Variants in FBN2 observed in about 807,000 individuals in gnomAD.
The protein encoded by FBN2 is fibrillin 2.
Under a neutral mutation model 355.6 loss-of-function variants are expected in FBN2, and 105 were observed. That is an observed-to-expected ratio of 0.30 (90% CI 0.25 to 0.35). The LOEUF is 0.35. FBN2 is among the 10% of genes least tolerant of loss of function. The pLI, the probability that FBN2 is intolerant of heterozygous loss-of-function variation, is 1.00. For synonymous variants in FBN2, 1,350 were observed against 1,301.2 expected (o/e 1.04, Z -0.81); for missense variants, 3,280 against 3,758.7 (o/e 0.87, Z 3.33).
chr5:128,537,523 G>T lies in FBN2; in HGVS notation c.81C>A (p.Ala27=), dbSNP rs746484599. Residue 27 remains alanine (A), a synonymous_variant, in exon 1 of 65, where the codon GCC becomes GCA. Transcript: ENST00000262464. ...TGGGCGGAGGAGGCTGAGGCTGGCC[G>T]GCCGTGCCCTGCGCCCAGAGCACCA... ...GCVVLWAQGT[A]GQPQPPPPKP... is the part of the protein sequence containing the mutation. The T allele has an allele frequency of 6.3e-6, 10 of 1,578,862 alleles. No homozygotes were observed. In the African/African-American group the frequency reaches 9.4e-5, roughly 15 times the overall value.
At chr5:128,358,479 A>G (rs1751559288) in intron 19 of FBN2, among the ~76,000 whole-genome samples, 1 of 152,152 alleles carries the variant, frequency 6.6e-6, no homozygotes. Context: ...ACAAATAACT[A>G]GAGGACTTTA....
intron 22 of FBN2, 143 bp from the exon 23 acceptor site, chr5:128,349,615 C>A: frequency 9.5e-7 from 1 of 1,050,412 alleles, no homozygotes; most frequent in Non-Finnish European, 1.4e-6. Context: ...TATTCCACAA[C>A]CGAGCCACCC....
chr5:128,492,644 A>G (rs922721079), intron 5 of FBN2, among the ~76,000 whole-genome samples: 1 of 152,034 alleles, frequency 6.6e-6, no homozygotes. Flanking sequence ...CTCTACTAAA[A>G]ATACAAAAAT....
At chr5:128,362,169 G>C (rs747571157) in intron 18 of FBN2, among the ~76,000 whole-genome samples, 1 of 152,044 alleles carries the variant, frequency 6.6e-6, no homozygotes, top group Non-Finnish European at 1.5e-5. Context: ...ATTCATAAAA[G>C]ATATCAAAAG....
chr5:128,327,337 T>A (rs946309018), intron 34 of FBN2, among the ~76,000 whole-genome samples: 2 of 152,164 alleles, frequency 1.3e-5, no homozygotes, highest in Non-Finnish European at 2.9e-5. Context: ...TGGCACACTT[T>A]CTTTCTTCAG....
At chr5:128,536,051 T>C (rs1433198958) in intron 2 of FBN2, among the ~76,000 whole-genome samples, 1 of 152,176 alleles carries the variant, frequency 6.6e-6, no homozygotes, top group Non-Finnish European at 1.5e-5. Context: ...TAATAACATG[T>C]GGTCTCATCT....
chr5:128,421,242 A>T (rs1447527360), intron 7 of FBN2, among the ~76,000 whole-genome samples: 4 of 152,198 alleles, frequency 2.6e-5, no homozygotes, highest in African/African-American at 7.2e-5. Context: ...AAGGAGAGTG[A>T]TCAGAACTTC....
At chr5:128,536,250 A>G (rs1384140485) in intron 2 of FBN2, 152 bp downstream of exon 2, 1 of 702,812 alleles carries the variant, frequency 1.4e-6, no homozygotes, top group South Asian at 1.5e-5. Context: ...AGTCTTCCCC[A>G]CTATTCAAAT....
At chr5:128,419,510 A>T (rs1029648502) in intron 7 of FBN2, among the ~76,000 whole-genome samples, 2 of 151,250 alleles carry the variant, frequency 1.3e-5, no homozygotes, top group African/African-American at 2.4e-5. Flanking sequence ...TTCTATTCTT[A>T]ATTTTCTGAT....
At chr5:128,394,973 A>G (rs1432969652) in intron 9 of FBN2, 149 bp downstream of exon 9, 2 of 809,834 alleles carry the variant, frequency 2.5e-6, no homozygotes, top group Admixed American at 4.1e-5. Context: ...TTTTGTAGAG[A>G]CAGGATTTCG....
intron 5 of FBN2, among the ~76,000 whole-genome samples, chr5:128,470,585 C>G (rs1754833746): frequency 6.6e-6 from 1 of 152,074 alleles, no homozygotes; most frequent in Admixed American, 6.5e-5. Context: ...CAAGGAAGCT[C>G]AGGGTAGAAT....
chr5:128,485,031 T>C (rs1178773509), intron 5 of FBN2, among the ~76,000 whole-genome samples: 1 of 150,148 alleles, frequency 6.7e-6, no homozygotes, highest in Non-Finnish European at 1.5e-5. Context: ...CAAGGAAACT[T>C]TTTTTTTTTT....
In FBN2 at chr5:128,387,225, C is replaced by T. The variant is rs375482504; in HGVS notation, c.1603+4793G>A. ...TCTTCTAAGTTTTCTAGTTTGTGTG[C>T]ACAGAGGTATTTTTAAGGTTTTCTA... On this transcript the variant is annotated intron_variant, in intron 11 of 64. Transcript: ENST00000262464. 1.0e-3 allele frequency among the ~76,000 whole-genome samples: 152 copies of T among 152,044 alleles called. 1 individual carries two copies. The highest frequency in any genetic ancestry group is 3.5e-3 in the African/African-American group (144 of 41,496).
chr5:128,479,797 T>G (rs143292107), intron 5 of FBN2, among the ~76,000 whole-genome samples: 20 of 151,432 alleles, frequency 1.3e-4, no homozygotes. Context: ...CATGGTAGAA[T>G]GTGCCTGTCA....
Position 128,301,483 on chromosome 5 carries a change from C to T in FBN2, c.5945G>A (p.Gly1982Asp), listed in dbSNP as rs1561757902. 1.2e-6 allele frequency: 2 copies of T among 1,613,310 alleles called. No individual in the cohort carries two copies. The highest frequency in any genetic ancestry group is 1.1e-5 in the South Asian group (1 of 91,076). ...ACAACGTCCATTTCTGCACACCTGA[C>T]CAAAAAAGGAACTGCACTCATCTAT... ...LDIDECSSFF[G>D]QVCRNGRCFN... Residue 1982 changes from glycine to aspartate, a missense_variant, in exon 47 of 65, where the codon GGT becomes GAT. By Grantham distance (94) the Gly-to-Asp change is moderately conservative. Transcript: ENST00000262464.
intron 7 of FBN2, among the ~76,000 whole-genome samples, chr5:128,434,424 A>G (rs112473956): frequency 0.012 from 1,497 of 129,406 alleles, 65 homozygotes; most frequent in African/African-American, 0.014. Context: ...ATATATATAT[A>G]TGGGCAGTAA....
chr5:128,431,350 A>G lies in FBN2; in HGVS notation c.952+15131T>C, dbSNP rs185334829. ...TGGGAAATATGTTCCATGACCCTCA[A>G]TGGATGCCTGAAACCATGCATGGTA... On this transcript the variant is annotated intron_variant, in intron 7 of 64. Transcript: ENST00000262464. 8.3e-4 allele frequency among the ~76,000 whole-genome samples: 127 copies of G among 152,294 alleles called. 1 individual carries two copies. The highest frequency in any genetic ancestry group is 2.9e-5 in the Non-Finnish European group (2 of 68,012).
intron 5 of FBN2, among the ~76,000 whole-genome samples, chr5:128,506,031 A>G (rs1462080369): frequency 1.3e-5 from 2 of 152,196 alleles, no homozygotes; most frequent in African/African-American, 4.8e-5. Flanking sequence ...CATATACTTA[A>G]CTTTTTAAGA....
At chr5:128,398,655 A>T (rs1275716716) in intron 8 of FBN2, among the ~76,000 whole-genome samples, 3 of 152,158 alleles carry the variant, frequency 2.0e-5, no homozygotes, top group Non-Finnish European at 4.4e-5. Flanking sequence ...AGGTTAAGAA[A>T]TATGAAGGTG....
Sources: gnomAD v4.1 joint callset for allele counts (sites outside exome capture counted in the v4.1 genomes callset) on GRCh38, gnomAD v4.1.1 for gene constraint, MANE v1.5 for transcripts, NCBI Gene and HGNC (gene_info 2026-07-23, HGNC 2026-07-21) for gene names.